RABGEF1: variants seen among roughly 807,000 people sequenced by gnomAD.
RABGEF1 encodes RAB guanine nucleotide exchange factor 1.
A neutral mutation model predicts 57.3 loss-of-function variants in RABGEF1; 26 were observed. The observed-to-expected ratio is 0.45, with a 90% CI of 0.33 to 0.63. The LOEUF is 0.63. RABGEF1 is among the 20% of genes least tolerant of loss of function. The pLI is 0.02. For synonymous variants in RABGEF1, 185 were observed against 210.7 expected, an observed-to-expected ratio of 0.88 and a Z score of 1.06; for missense variants, 464 against 607.6, an observed-to-expected ratio of 0.76 and a Z score of 2.48.
chr7:66,782,200 T>C (rs930511332), intron 3 of RABGEF1, among the ~76,000 whole-genome samples: 1 of 152,246 alleles, frequency 6.6e-6, no homozygotes, highest in African/African-American at 2.4e-5. Context: ...TTAAATTAGA[T>C]TGTACCTGAT....
intron 1 of RABGEF1, among the ~76,000 whole-genome samples, chr7:66,743,194 C>T (rs966587115): frequency 1.3e-5 from 2 of 152,038 alleles, no homozygotes; most frequent in Admixed American, 1.3e-4. Flanking sequence ...GTAATGCTAG[C>T]TACTCAGGAG....
intron 1 of RABGEF1, among the ~76,000 whole-genome samples, chr7:66,753,717 T>TTTTTTTTTTTTTTTTTTG (rs1802009654): frequency 6.9e-6 from 1 of 145,290 alleles, no homozygotes; most frequent in African/African-American, 2.5e-5. Context: ...TTTTTTTTTT[T>TTTTTTTTTTTTTTTTTTG]TTTTTTTGAG....
intron 3 of RABGEF1, among the ~76,000 whole-genome samples, chr7:66,778,222 T>C (rs1289481729): frequency 6.6e-6 from 1 of 152,222 alleles, no homozygotes; most frequent in Admixed American, 6.6e-5. Context: ...GCTGTTGGTG[T>C]TTTACTTGCT....
chr7:66,757,779 C>T (rs1316951942), intron 1 of RABGEF1, among the ~76,000 whole-genome samples: 8 of 152,014 alleles, frequency 5.3e-5, no homozygotes, highest in Non-Finnish European at 1.0e-4. Context: ...GCCCGGCTAA[C>T]TTTTTGTATT....
intron 2 of RABGEF1, among the ~76,000 whole-genome samples, chr7:66,717,249 C>T (rs1562730585): frequency 6.6e-6 from 1 of 152,130 alleles, no homozygotes; most frequent in African/African-American, 2.4e-5. Flanking sequence ...AAACTTTTTA[C>T]TTTCTGCTTA....
At position 66,771,882 on chromosome 7, in the gene RABGEF1, G is replaced by T. The variant is rs776900469; in HGVS notation, c.-17-1G>T. 6.8e-7 allele frequency: 1 copy of T among 1,462,304 alleles called. No individual in the cohort carries two copies. Among genetic ancestry groups the T allele is most frequent in the Non-Finnish European group, 9.1e-7 (1 of 1,098,376 alleles). 90.6% of individuals were successfully genotyped at this position (1,462,304 alleles called of 1,614,324 possible). A position where few individuals can be genotyped will look rare whatever the true frequency, so the allele number is the denominator to read the frequency against. ...TCAACAGCACTTTCTTGTTTGTTCAGTGGTTAGCAGGAAGAAGATGAGCCT... is the reference window on the plus strand; with the variant it reads ...TCAACAGCACTTTCTTGTTTGTTCATTGGTTAGCAGGAAGAAGATGAGCCT... On this transcript the variant is annotated splice_acceptor_variant, in intron 1 of 8. Coordinates refer to ENST00000284957, the MANE Select transcript of RABGEF1 (RefSeq NM_014504.3). LOFTEE classifies it low-confidence loss of function (5UTR_SPLICE).
At chr7:66,686,734 C>G (rs1790693588) in intron 1 of RABGEF1, among the ~76,000 whole-genome samples, 1 of 152,058 alleles carries the variant, frequency 6.6e-6, no homozygotes, top group East Asian at 1.9e-4. Context: ...GTGCTGTTTT[C>G]AAGTTTCCTG....
intron 1 of RABGEF1, among the ~76,000 whole-genome samples, chr7:66,764,780 G>T (rs1805291942): frequency 6.6e-6 from 1 of 152,116 alleles, no homozygotes; most frequent in African/African-American, 2.4e-5. Flanking sequence ...AAGACGTATG[G>T]GTTTATTTCT....
intron 1 of RABGEF1, among the ~76,000 whole-genome samples, chr7:66,755,491 A>C (rs1802494183): frequency 6.6e-6 from 1 of 152,144 alleles, no homozygotes; most frequent in South Asian, 2.1e-4. Context: ...AAGAAAAGAA[A>C]AAAAAAGCGT....
the RABGEF1 span, among the ~76,000 whole-genome samples, chr7:66,676,437 AAGTT>A: frequency 6.6e-6 from 1 of 152,154 alleles, no homozygotes; most frequent in Non-Finnish European, 1.5e-5. Context: ...TGCTTATAAA[AAGTT>A]AGCCCTCCAC....
At chr7:66,705,507 G>A (rs1290983800) in intron 1 of RABGEF1, among the ~76,000 whole-genome samples, 3 of 150,344 alleles carry the variant, frequency 2.0e-5, no homozygotes. Context: ...GGGGGAGGAA[G>A]CAGAGGAGGA....
At chr7:66,765,193 G>C (rs1805392934) in intron 1 of RABGEF1, among the ~76,000 whole-genome samples, 1 of 150,966 alleles carries the variant, frequency 6.6e-6, no homozygotes, top group African/African-American at 2.4e-5. Context: ...ATATAGGAAA[G>C]GGAGTTTCAG....
At chr7:66,720,923 A>G (rs978614581) in intron 2 of RABGEF1, among the ~76,000 whole-genome samples, 5 of 151,958 alleles carry the variant, frequency 3.3e-5, no homozygotes, top group Admixed American at 6.6e-5. Flanking sequence ...TATTATTATT[A>G]TTGTTGTTAT....
intron 2 of RABGEF1, among the ~76,000 whole-genome samples, chr7:66,717,242 CTTT>C (rs1260486488): frequency 6.6e-6 from 1 of 152,116 alleles, no homozygotes; most frequent in Non-Finnish European, 1.5e-5. Context: ...GTACACCAAA[CTTT>C]TTACTTTCTG....
At chr7:66,744,933 C>G (rs1417639935) in intron 1 of RABGEF1, among the ~76,000 whole-genome samples, 1 of 152,118 alleles carries the variant, frequency 6.6e-6, no homozygotes, top group Non-Finnish European at 1.5e-5. Flanking sequence ...TGGCTCACGC[C>G]TGTAATCCCA....
chr7:66,804,497 G>A (rs927591774), intron 7 of RABGEF1, among the ~76,000 whole-genome samples: 2 of 152,080 alleles, frequency 1.3e-5, no homozygotes, highest in South Asian at 2.1e-4. Context: ...CATTTTGGGA[G>A]GCCAAGGTGG....
chr7:66,799,344 T>G lies in RABGEF1; in HGVS notation c.750T>G (p.Pro250=). 1 of 1,610,730 alleles carries G rather than the reference T, an allele frequency of 6.2e-7. No individual in the cohort carries two copies. The part of the protein sequence containing the change: ...KRIRALRWVT[P]QMLCVPVNED... ...TTAGAGCCCTGCGCTGGGTTACGCC[T>G]CAGATGCTGTGTGTCCCTGTTAATG... The change falls in exon 7 of 9, where the codon CCT becomes CCG. Residue 250 remains proline, a synonymous_variant. Transcript: ENST00000284957.
chr7:66,669,870 C>T, the RABGEF1 span: 12 of 152,234 alleles, frequency 7.9e-5, no homozygotes, highest in African/African-American at 2.9e-4. Flanking sequence ...CGGGCCACCA[C>T]CAAGACTCTT....
At chr7:66,768,949 T>C (rs1460531211) in intron 1 of RABGEF1, 1 of 152,200 alleles carries the variant, frequency 6.6e-6, no homozygotes, top group Non-Finnish European at 1.5e-5. Context: ...GTTTGGCTCC[T>C]GCACTCTCAT....
Sources: gnomAD v4.1 joint callset for allele counts (sites outside exome capture counted in the v4.1 genomes callset) on GRCh38, gnomAD v4.1.1 for gene constraint, MANE v1.5 for transcripts, NCBI Gene and HGNC (gene_info 2026-07-23, HGNC 2026-07-21) for gene names.